RNF123: variants seen among roughly 807,000 people sequenced by gnomAD.
RNF123 encodes the protein E3 ubiquitin-protein ligase RNF123.
A neutral mutation model predicts 168.5 loss-of-function variants in RNF123; 86 were observed. The ratio of observed to expected loss-of-function variants is 0.51; its 90% CI spans 0.43 to 0.61. RNF123 has a LOEUF of 0.61. RNF123 is among the 20% of genes least tolerant of loss of function. The probability of loss-of-function intolerance (pLI) is 0.00; values close to 1 mark genes in which losing one functional copy is unlikely to be tolerated. For synonymous variants in RNF123, 666 were observed against 689.1 expected (o/e 0.97, Z 0.52); for missense variants, 1,419 against 1,729.7 (o/e 0.82, Z 3.19).
At chr3:49,702,268 C>T in intron 18 of RNF123, 66 bp from the exon 19 acceptor site, 1 of 1,598,310 alleles carries the variant, frequency 6.3e-7, no homozygotes, top group Non-Finnish European at 8.6e-7. Flanking sequence ...AGGTGCAGCA[C>T]TGAGCCAGCC....
intron 35 of RNF123, chr3:49,718,510 A>G: frequency 1.2e-6 from 2 of 1,613,124 alleles, no homozygotes; most frequent in Non-Finnish European, 1.7e-6. Flanking sequence ...TGGCGCCCTG[A>G]GAAGCTCCTG....
Position 49,720,853 on chromosome 3 carries a change from C to G in RNF123, c.3697C>G (p.His1233Asp), listed in dbSNP as rs1351170831. 1 of 1,614,182 alleles carries G rather than the reference C, an allele frequency of 6.2e-7. No individual in the cohort carries two copies. The highest frequency in any genetic ancestry group is 1.3e-5 in the African/African-American group (1 of 75,060). ...ELAQVEQMLA[H>D]LTSASAQAAA... is the part of the protein sequence containing the mutation. ...GGCCCAAGTGGAACAGATGCTGGCG[C>G]ACCTGACCTCTGCATCTGCCCAGGC... The change falls in exon 37 of 39, where the codon CAC becomes GAC. Residue 1233 changes from histidine (H) to aspartate (D), a missense_variant. His to Asp is a moderately conservative substitution (Grantham distance 81, BLOSUM62 -1). Around this residue, in one of 5 missense-constraint regions of RNF123, gnomAD observed 164 missense variants for 152.3 expected, o/e 1.08. Coordinates refer to ENST00000327697, the MANE Select transcript of RNF123 (RefSeq NM_022064.5).
At chr3:49,694,799 C>T (rs1318364957) in intron 3 of RNF123, among the ~76,000 whole-genome samples, 3 of 152,062 alleles carry the variant, frequency 2.0e-5, no homozygotes, top group African/African-American at 7.2e-5. Context: ...TCAGTCCTGG[C>T]CTGTTCTCAG....
At chr3:49,705,933 G>A in intron 24 of RNF123, 49 bp from the exon 25 acceptor site, 1 of 1,589,994 alleles carries the variant, frequency 6.3e-7, no homozygotes, top group East Asian at 2.2e-5. Flanking sequence ...AAGAAGCCTG[G>A]ATGAAGTGCC....
intron 35 of RNF123, 76 bp from the exon 36 acceptor site, chr3:49,720,435 C>T: frequency 1.4e-6 from 2 of 1,442,194 alleles, no homozygotes; most frequent in Admixed American, 4.7e-5. Flanking sequence ...CATGGCACTC[C>T]TCATTGGCAA....
At chr3:49,717,632 A>G (rs755164762) in intron 35 of RNF123, 6 of 449,332 alleles carry the variant, frequency 1.3e-5, no homozygotes, top group African/African-American at 2.0e-5. Context: ...GCTGTGTTGA[A>G]AGCCACAGGG....
intron 27 of RNF123, 149 bp downstream of exon 27, chr3:49,712,805 G>T: frequency 1.1e-6 from 1 of 880,840 alleles, no homozygotes; most frequent in South Asian, 1.4e-5. Context: ...TCACCCTGCA[G>T]CAAACAAACG....
intron 35 of RNF123, chr3:49,717,685 G>A: frequency 1.8e-6 from 1 of 557,396 alleles, no homozygotes; most frequent in Middle Eastern, 4.7e-4. Flanking sequence ...GCACTAGGAA[G>A]TCCGCGGGAA....
chr3:49,707,286 G>A (rs2054538255), intron 26 of RNF123, among the ~76,000 whole-genome samples: 1 of 150,786 alleles, frequency 6.6e-6, no homozygotes, highest in Non-Finnish European at 1.5e-5. Context: ...ATTACCACCC[G>A]AGGCCACTGG....
At position 49,705,675 on chromosome 3, in the gene RNF123, G is replaced by T; in HGVS notation, c.2300G>T (p.Gly767Val). 5.0e-6 allele frequency: 8 copies of T among 1,614,184 alleles called. No individual in the cohort carries two copies. Among genetic ancestry groups the T allele is most frequent in the Non-Finnish European group, 6.8e-6 (8 of 1,180,016 alleles). The stretch of plus-strand genomic sequence containing the variant: ...AACCTCAGCGTACACCAGCAGCTGG[G>T]CAAGGTCGTGCACTCTTGGACCCCG... ...MYNLSVHQQLGKMVGVSDDVN... is the reference protein window; with the variant it reads ...MYNLSVHQQLVKMVGVSDDVN... The change falls in exon 24 of 39, where the codon GGC (glycine) becomes GTC (valine). Residue 767 changes from glycine (G) to valine (V), a missense_variant. Physicochemically the swap from Gly to Val is moderately radical, Grantham distance 109. This residue lies in a region of RNF123 where 538 missense variants were observed against 708.8 expected (regional missense o/e 0.76). Transcript: ENST00000327697.
chr3:49,721,448 G>C lies in RNF123; in HGVS notation c.*143G>C, dbSNP rs1481979373. The C allele has an allele frequency of 1.7e-6, 2 of 1,160,508 alleles. No individual in the cohort carries two copies. The highest frequency in any genetic ancestry group is 4.7e-5 in the East Asian group (2 of 42,840). The allele number at this position is 1,160,508 out of a possible 1,614,324, so 71.9% of individuals were successfully genotyped here. ...TTGCCTGCCTGTATCCTCATTGGTG[G>C]GAGCCCAGCCATGGCCCTAATTGTG... On this transcript the variant is annotated 3_prime_UTR_variant, in exon 39 of 39. Coordinates refer to ENST00000327697, the MANE Select transcript of RNF123 (RefSeq NM_022064.5).
chr3:49,699,578 C>T lies in RNF123; in HGVS notation c.875C>T (p.Pro292Leu). The part of the protein sequence containing the change: ...FRAVLSVELD[P>L]VEGRLLDKES... ...GCAGTGCTGAGTGTGGAGCTGGACCCTGTGGTGAGCTGGGGTCTGGGCCAG... is the reference window on the plus strand; with the variant it reads ...GCAGTGCTGAGTGTGGAGCTGGACCTTGTGGTGAGCTGGGGTCTGGGCCAG... The change falls in exon 11 of 39, where the codon CCT becomes CTT. Residue 292 changes from proline (P) to leucine (L), a missense_variant. This residue lies in a region of RNF123 where 318 missense variants were observed against 446.6 expected (regional missense o/e 0.71). Coordinates refer to ENST00000327697, the MANE Select transcript of RNF123 (RefSeq NM_022064.5). This position sits in a 1 kb window ranked among gnomAD's most constrained non-coding sequence, Gnocchi z 4.8. The T allele has an allele frequency of 1.2e-6, 2 of 1,613,362 alleles. No individual in the cohort carries two copies. The highest frequency in any genetic ancestry group is 1.1e-5 in the South Asian group (1 of 91,036).
chr3:49,706,935 C>G (rs760995762), intron 26 of RNF123, 37 bp downstream of exon 26: 29 of 1,569,254 alleles, frequency 1.8e-5, no homozygotes, highest in Non-Finnish European at 8.8e-7. Context: ...CCCGACCTCA[C>G]TGTCTGGCCA....
Position 49,699,396 on chromosome 3 carries a change from G to A in RNF123, c.765-72G>A. ...GCCCTAGAGCCCAGGCCCCGGGGTGGGGGGTGGGCAGTGGAGAGGGAGTAG... is the reference window on the plus strand; with the variant it reads ...GCCCTAGAGCCCAGGCCCCGGGGTGAGGGGTGGGCAGTGGAGAGGGAGTAG... On this transcript the variant is annotated intron_variant, in intron 10 of 38. Transcript: ENST00000327697. The surrounding 1 kb of genome is among the most constrained non-coding windows in gnomAD (Gnocchi z 4.8). 7.5e-7 allele frequency: 1 copy of A among 1,330,690 alleles called. No homozygotes were observed. Among genetic ancestry groups the A allele is most frequent in the Non-Finnish European group, 1.1e-6 (1 of 951,820 alleles). The allele number at this position is 1,330,690 out of a possible 1,614,324, so 82.4% of individuals were successfully genotyped here.
intron 15 of RNF123, 80 bp downstream of exon 15, chr3:49,700,789 C>A: frequency 6.8e-7 from 1 of 1,475,906 alleles, no homozygotes; most frequent in Middle Eastern, 1.7e-4. Flanking sequence ...GGAGTGTCAT[C>A]AGGCCAGGGG....
At chr3:49,705,901 G>A in intron 24 of RNF123, 81 bp from the exon 25 acceptor site, 1 of 1,521,164 alleles carries the variant, frequency 6.6e-7, no homozygotes, top group East Asian at 2.3e-5. Context: ...CCTTGGCAGG[G>A]CTGGGGTCCA....
Position 49,721,005 on chromosome 3 carries a change from C to G in RNF123, c.3739-15C>G, listed in dbSNP as rs1477222919. On this transcript the variant is annotated splice_polypyrimidine_tract_variant and intron_variant, in intron 37 of 38. Coordinates refer to ENST00000327697, the MANE Select transcript of RNF123 (RefSeq NM_022064.5). ...GCATCCAACTCCAGCCCACCCTTCACTCTCCTCCCTGCAGCCCACCAGTGA... is the reference window on the plus strand; with the variant it reads ...GCATCCAACTCCAGCCCACCCTTCAGTCTCCTCCCTGCAGCCCACCAGTGA... 1 of 1,609,688 alleles carries G rather than the reference C, an allele frequency of 6.2e-7. No individual in the cohort carries two copies. The highest frequency in any genetic ancestry group is 8.5e-7 in the Non-Finnish European group (1 of 1,176,862).
At chr3:49,713,228 C>A (rs1361819900) in intron 27 of RNF123, 5 of 589,278 alleles carry the variant, frequency 8.5e-6, no homozygotes, top group Non-Finnish European at 1.2e-5. Context: ...GCTGTGAGTG[C>A]CCAAGGAGCT....
chr3:49,690,234 A>G (rs1191818335), intron 1 of RNF123, among the ~76,000 whole-genome samples: 2 of 152,240 alleles, frequency 1.3e-5, no homozygotes, highest in East Asian at 1.9e-4. Context: ...ATAGAACTTT[A>G]TATGATGGTG....
Sources: gnomAD v4.1 joint callset for allele counts (sites outside exome capture counted in the v4.1 genomes callset) on GRCh38, gnomAD v4.1.1 for gene constraint, gnomAD v4.1.1 regional missense constraint, Gnocchi (gnomAD v3.1) non-coding constraint, MANE v1.5 for transcripts, NCBI Gene and HGNC (gene_info 2026-07-23, HGNC 2026-07-21) for gene names.